PECR: variants seen among roughly 807,000 people sequenced by gnomAD.
The protein encoded by PECR is 2,4-dienoyl-CoA reductase-related protein.
In PECR, 30 loss-of-function variants were observed where a neutral mutation model predicts 35.3. That is an observed-to-expected ratio of 0.85 (90% CI 0.64 to 1.15). The LOEUF (loss-of-function observed/expected upper bound fraction) is 1.15, where lower values mean the gene tolerates loss of function less well. Among genes scored for constraint, PECR ranks in the 50% most tolerant of loss-of-function variants. PECR has a pLI of 0.00. For missense variants in PECR, 392 were observed against 370.8 expected (o/e 1.06, Z -0.47); for synonymous variants, 148 against 138.9 (o/e 1.07, Z -0.46).
In PECR at chr2:216,059,013, A is replaced by G. The variant is rs778405825; in HGVS notation, c.425-37T>C. 3.1e-6 allele frequency: 4 copies of G among 1,298,702 alleles called. No individual in the cohort carries two copies. In the South Asian group the frequency reaches 3.6e-5, roughly 12 times the overall value. 80.4% of individuals were successfully genotyped at this position (1,298,702 alleles called of 1,614,324 possible). ...AGGCAAACTCAATCATTAAATTTTTAAAGTATCCTGGCCCTCCTGATACCT... is the reference window on the plus strand; with the variant it reads ...AGGCAAACTCAATCATTAAATTTTTGAAGTATCCTGGCCCTCCTGATACCT... On this transcript the variant is annotated intron_variant, in intron 3 of 7. Transcript: ENST00000265322.
At chr2:216,034,414 C>A (rs956236536), downstream of PECR, among the ~76,000 whole-genome samples, 3 of 152,172 alleles carry the variant, frequency 2.0e-5, no homozygotes, top group Non-Finnish European at 4.4e-5. Flanking sequence ...CTAGGCTATT[C>A]CCTTGGGACA....
At chr2:216,032,579 C>T (rs989846192) in intron 7 of PECR, among the ~76,000 whole-genome samples, 2 of 152,178 alleles carry the variant, frequency 1.3e-5, no homozygotes, top group African/African-American at 4.8e-5. Flanking sequence ...AATAGCTTTA[C>T]ACCATCAAAC....
At chr2:216,065,057 C>T (rs1388573844) in intron 3 of PECR, among the ~76,000 whole-genome samples, 1 of 152,082 alleles carries the variant, frequency 6.6e-6, no homozygotes, top group Admixed American at 6.6e-5. Flanking sequence ...AAATTAATAG[C>T]TAAATCTATG....
At chr2:216,033,416 C>A (rs6740769), downstream of PECR, among the ~76,000 whole-genome samples, 8,372 of 152,044 alleles carry the variant, frequency 0.055, 251 homozygotes, top group African/African-American at 0.09. Flanking sequence ...GGGATTCGAA[C>A]CCAAGCAGTT....
At position 216,049,243 on chromosome 2, in the gene PECR, A is replaced by C. The variant is rs749890802; in HGVS notation, c.714+20T>G. On this transcript the variant is annotated intron_variant, in intron 6 of 7. Coordinates refer to ENST00000265322, the MANE Select transcript of PECR (RefSeq NM_018441.6). ...GTATAACACACAGCAATTCTAATCA[A>C]TGCTGGAAATATACCTTACCTCCTC... 8.8e-7 allele frequency: 1 copy of C among 1,140,106 alleles called. No individual in the cohort carries two copies. The highest frequency in any genetic ancestry group is 1.2e-5 in the South Asian group (1 of 81,524). The allele number at this position is 1,140,106 out of a possible 1,614,324, so 70.6% of individuals were successfully genotyped here.
At chr2:216,036,600 G>A (rs1472417951), downstream of PECR, among the ~76,000 whole-genome samples, 2 of 152,194 alleles carry the variant, frequency 1.3e-5, no homozygotes, top group South Asian at 4.1e-4. Context: ...AAATGTCAAT[G>A]CATACTTTCA....
chr2:216,030,354 T>G (rs1222007847), intron 7 of PECR, among the ~76,000 whole-genome samples: 5 of 152,322 alleles, frequency 3.3e-5, no homozygotes, highest in African/African-American at 9.6e-5. Context: ...ACTTCTGCCA[T>G]GTGCTGAGAT....
chr2:216,030,938 TCTCTCTCTCTCTCTCTCTCACACA>T (rs1694674218), intron 7 of PECR, among the ~76,000 whole-genome samples: 6 of 50,986 alleles, frequency 1.2e-4, no homozygotes, highest in African/African-American at 2.3e-4. Flanking sequence ...TCTCTCTCTC[TCTCTCTCTCTCTCTCTCTCACACA>T]CACACACACA....
intron 1 of PECR, among the ~76,000 whole-genome samples, chr2:216,076,518 T>G (rs73056565): frequency 0.09 from 13,719 of 152,270 alleles, 1,140 homozygotes; most frequent in African/African-American, 0.22. Context: ...CTTGCTATTG[T>G]TCCTGGTGCA....
chr2:216,030,664 T>C (rs1231299606), intron 7 of PECR, among the ~76,000 whole-genome samples: 1 of 151,864 alleles, frequency 6.6e-6, no homozygotes, highest in Non-Finnish European at 1.5e-5. Context: ...TGCCTCAGCC[T>C]GCTAAGTAGC....
intron 1 of PECR, among the ~76,000 whole-genome samples, chr2:216,079,431 G>C (rs1045143977): frequency 1.3e-5 from 2 of 150,128 alleles, no homozygotes; most frequent in African/African-American, 2.4e-5. Context: ...GCAGCGGCAC[G>C]ATCTTGGCTC....
At chr2:216,044,138 C>T (rs1484014182) in intron 6 of PECR, 123 bp from the exon 7 acceptor site, 2 of 681,310 alleles carry the variant, frequency 2.9e-6, no homozygotes, top group African/African-American at 1.8e-5. Context: ...ACAGTGTGTG[C>T]ATGTGCACCA....
chr2:216,074,225 G>A (rs568593733), intron 1 of PECR, among the ~76,000 whole-genome samples: 8 of 152,050 alleles, frequency 5.3e-5, no homozygotes, highest in Admixed American at 1.3e-4. Flanking sequence ...CCGGTGGATC[G>A]CTTGTATTCA....
At chr2:216,061,311 C>CAAAAAAAAAAAAA (rs56791924) in intron 3 of PECR, among the ~76,000 whole-genome samples, 2 of 44,932 alleles carry the variant, frequency 4.5e-5, no homozygotes, top group Non-Finnish European at 7.4e-5. Flanking sequence ...AACCCTGTCT[C>CAAAAAAAAAAAAA]AAAAAAAAAA....
chr2:216,066,502 A>G lies in PECR; in HGVS notation c.141T>C (p.Ile47=), dbSNP rs775211543. 14 of 1,614,088 alleles carry G rather than the reference A, an allele frequency of 8.7e-6. No homozygotes were observed. Among genetic ancestry groups the G allele is most frequent in the Middle Eastern group, 1.6e-4 (1 of 6,062 alleles). Residue 47 remains isoleucine (I), a synonymous_variant, in exon 2 of 8, where the codon ATT becomes ATC. Transcript: ENST00000265322. ...TCAATCTCTCCAACTTACGGGATGCAATGACCACATTACTCCCTGAGGAGA... is the reference window on the plus strand; with the variant it reads ...TCAATCTCTCCAACTTACGGGATGCGATGACCACATTACTCCCTGAGGAGA... ...ELLELGSNVV[I]ASRKLERLKS...
chr2:216,042,284 G>A (rs1033248612), intron 7 of PECR, among the ~76,000 whole-genome samples: 5 of 152,206 alleles, frequency 3.3e-5, no homozygotes, highest in East Asian at 1.9e-4. Context: ...GAAGTCTTCC[G>A]TGCTAATGGT....
At chr2:216,055,902 C>T (rs1306004616) in intron 4 of PECR, among the ~76,000 whole-genome samples, 1 of 152,194 alleles carries the variant, frequency 6.6e-6, no homozygotes, top group Admixed American at 6.5e-5. Context: ...TCTCAAATTT[C>T]TGTGTCTTTA....
chr2:216,055,530 GACA>G (rs72349649), intron 4 of PECR, among the ~76,000 whole-genome samples: 5,493 of 150,732 alleles, frequency 0.036, 116 homozygotes, highest in Non-Finnish European at 0.042. Context: ...CCCAAAAAAG[GACA>G]ACTAGATAAT....
chr2:216,047,389 G>T (rs777075444), intron 6 of PECR, among the ~76,000 whole-genome samples: 2 of 151,998 alleles, frequency 1.3e-5, no homozygotes, highest in African/African-American at 2.4e-5. Context: ...GAGTTTCATG[G>T]GCTTGCTTTT....
Sources: gnomAD v4.1 joint callset for allele counts (sites outside exome capture counted in the v4.1 genomes callset) on GRCh38, gnomAD v4.1.1 for gene constraint, MANE v1.5 for transcripts, NCBI Gene and HGNC (gene_info 2026-07-23, HGNC 2026-07-21) for gene names.